Variants in TENM3 observed in about 807,000 individuals in gnomAD.
TENM3 encodes teneurin-3.
Under a neutral mutation model 255.1 loss-of-function variants are expected in TENM3, and 63 were observed. The ratio of observed to expected loss-of-function variants is 0.25; its 90% confidence interval spans 0.20 to 0.30. The LOEUF is 0.30. Ranked by LOEUF, TENM3 falls within the 10% of genes least tolerant of loss-of-function variation. The probability of loss-of-function intolerance (pLI) is 1.00; values close to 1 mark genes in which losing one functional copy is unlikely to be tolerated. For synonymous variants in TENM3, 1,306 were observed against 1,322.3 expected (o/e 0.99, Z 0.27); for missense variants, 2,929 against 3,461.1 (o/e 0.85, Z 3.86).
chr4:182,517,092 A>G (rs1412293330), intron 3 of TENM3, among the ~76,000 whole-genome samples: 1 of 152,166 alleles, frequency 6.6e-6, no homozygotes, highest in Admixed American at 6.5e-5. Flanking sequence ...GATTTTCAAC[A>G]GAAAAAAAGA....
intron 3 of TENM3, among the ~76,000 whole-genome samples, chr4:182,536,394 C>T (rs1210482080): frequency 5.3e-5 from 8 of 152,248 alleles, no homozygotes; most frequent in Admixed American, 5.2e-4. Context: ...AATGCCTCTA[C>T]TGGGCGCCGG....
intron 2 of TENM3, among the ~76,000 whole-genome samples, chr4:182,336,309 C>T (rs7670222): frequency 0.65 from 98,191 of 151,656 alleles, 31,839 homozygotes; most frequent in Non-Finnish European, 0.68. Context: ...AAAGTGAGAA[C>T]TTTCTATATA....
In TENM3 at chr4:182,730,942, A is replaced by G. The variant is rs1190501024; in HGVS notation, c.2770A>G (p.Thr924Ala). Residue 924 changes from threonine (T) to alanine (A), a missense_variant, in exon 16 of 28, where the codon ACT becomes GCT. Transcript: ENST00000511685. ...TLVFERSPFL[T>A]QYHTVWIPWN... is the part of the protein sequence containing the mutation. ...GGTATTTGAACGATCCCCATTCCTC[A>G]CTCAGTATCATACTGTGTGGATTCC... 1 of 1,613,852 alleles carries G rather than the reference A, an allele frequency of 6.2e-7. No individual in the cohort carries two copies. Among genetic ancestry groups the G allele is most frequent in the Non-Finnish European group, 8.5e-7 (1 of 1,179,826 alleles).
At chr4:182,782,528 T>G (rs1301143358) in intron 24 of TENM3, among the ~76,000 whole-genome samples, 24 of 96,876 alleles carry the variant, frequency 2.5e-4, no homozygotes, top group African/African-American at 1.2e-3. Context: ...AAATGTATAT[T>G]CTGTTGATTT....
At chr4:181,509,817 T>C in the TENM3 span, among the ~76,000 whole-genome samples, 1 of 152,178 alleles carries the variant, frequency 6.6e-6, no homozygotes, top group Admixed American at 6.5e-5. Context: ...CACATGTGAG[T>C]GCCCAGAGTG....
chr4:182,749,014 A>G (rs557059742), intron 19 of TENM3, among the ~76,000 whole-genome samples: 2 of 152,296 alleles, frequency 1.3e-5, no homozygotes, highest in South Asian at 4.1e-4. Context: ...GATAAAACTG[A>G]TGACAATAAA....
chr4:182,649,580 T>G lies in TENM3; in HGVS notation c.989-4191T>G, dbSNP rs537954225. 6.3e-4 allele frequency among the ~76,000 whole-genome samples: 95 copies of G among 150,826 alleles called. 4 individuals carry two copies. Among genetic ancestry groups the G allele is most frequent in the African/African-American group, 2.3e-3 (95 of 41,456 alleles). On this transcript the variant is annotated intron_variant, in intron 5 of 27. Transcript: ENST00000511685. ...GTAACCTTAAAGTTCACAACTATAA[T>G]GCTTACTTTTGTACTTTTGTAACTT...
At chr4:181,657,842 G>C in the TENM3 span, among the ~76,000 whole-genome samples, 2 of 152,144 alleles carry the variant, frequency 1.3e-5, no homozygotes, top group South Asian at 4.1e-4. Flanking sequence ...CAGCAACGTG[G>C]GTGGAACCGG....
intron 1 of TENM3, among the ~76,000 whole-genome samples, chr4:182,157,178 A>G (rs1424834571): frequency 2.6e-5 from 4 of 152,162 alleles, no homozygotes; most frequent in African/African-American, 9.6e-5. Flanking sequence ...AACAAATAAC[A>G]AAGGGGCCCT....
chr4:182,640,730 G>A (rs1752231057), intron 5 of TENM3, among the ~76,000 whole-genome samples: 1 of 152,164 alleles, frequency 6.6e-6, no homozygotes, highest in Non-Finnish European at 1.5e-5. Context: ...AGGGATCAGA[G>A]ACTGCAGCTT....
chr4:181,653,743 C>A, the TENM3 span, among the ~76,000 whole-genome samples: 1 of 146,370 alleles, frequency 6.8e-6, no homozygotes, highest in Admixed American at 7.1e-5. Context: ...AGGTGCAGAA[C>A]GTGCAGGTTT....
chr4:182,688,398 A>G (rs781000138), intron 12 of TENM3, 47 bp downstream of exon 12: 3 of 1,396,678 alleles, frequency 2.1e-6, no homozygotes, highest in African/African-American at 2.9e-5. Context: ...CCCAGAGAAG[A>G]GCACCGACGG....
At chr4:182,518,705 T>C (rs1738255135) in intron 3 of TENM3, among the ~76,000 whole-genome samples, 1 of 152,158 alleles carries the variant, frequency 6.6e-6, no homozygotes, top group South Asian at 2.1e-4. Context: ...TTCAACCTGG[T>C]AAGATCCTGA....
the TENM3 span, among the ~76,000 whole-genome samples, chr4:181,856,256 C>T: frequency 9.9e-5 from 15 of 152,002 alleles, no homozygotes; most frequent in Admixed American, 9.2e-4. Flanking sequence ...TCTCCTTCCT[C>T]TTAACTTCCC....
chr4:182,170,693 A>T lies in TENM3; in HGVS notation c.-76+25939A>T, dbSNP rs538699690. Among the ~76,000 whole-genome samples the T allele has an allele frequency of 1.2e-4, 19 of 152,262 alleles. 1 individual carries two copies. The South Asian group carries it at 3.9e-3, about 32-fold the overall frequency. Reference sequence around the variant, plus strand: ...CAATCTGAAGTCTGCAAGCATTTTGATCTTTTTCCAAGTAAAAAGAAAAAA... The same window carrying T: ...CAATCTGAAGTCTGCAAGCATTTTGTTCTTTTTCCAAGTAAAAAGAAAAAA... On this transcript the variant is annotated intron_variant, in intron 1 of 2. Coordinates refer to the TENM3 transcript ENST00000512480.
At chr4:181,852,820 G>A in the TENM3 span, among the ~76,000 whole-genome samples, 1 of 152,186 alleles carries the variant, frequency 6.6e-6, no homozygotes, top group African/African-American at 2.4e-5. Flanking sequence ...GTGACCAAGG[G>A]AGGATGAGCA....
At chr4:182,455,959 G>A (rs1479221184) in intron 3 of TENM3, among the ~76,000 whole-genome samples, 1 of 152,138 alleles carries the variant, frequency 6.6e-6, no homozygotes, top group Non-Finnish European at 1.5e-5. Flanking sequence ...GTAGTCATTT[G>A]TTTACATTTC....
At chr4:182,589,420 C>G (rs983708260) in intron 3 of TENM3, among the ~76,000 whole-genome samples, 1 of 148,590 alleles carries the variant, frequency 6.7e-6, no homozygotes, top group Non-Finnish European at 1.5e-5. Flanking sequence ...CTTATTTTTT[C>G]ATAGTGTCTA....
chr4:181,949,210 C>T, the TENM3 span, among the ~76,000 whole-genome samples: 85,971 of 151,990 alleles, frequency 0.57, 24,871 homozygotes, highest in African/African-American at 0.65. Flanking sequence ...TATGGGTAAC[C>T]GTTCATGAGC....
Sources: allele counts gnomAD v4.1 joint callset (sites outside exome capture counted in the v4.1 genomes callset), GRCh38; gene constraint gnomAD v4.1.1; transcripts MANE v1.5; gene names NCBI Gene and HGNC (gene_info 2026-07-23, HGNC 2026-07-21).